EML4: variants seen among roughly 807,000 people sequenced by gnomAD.
EML4 encodes EMAP like 4.
EML4 carries 72 observed loss-of-function variants against 129.0 expected under a neutral mutation model. The ratio of observed to expected loss-of-function variants is 0.56; its 90% CI spans 0.46 to 0.68. EML4 has a LOEUF of 0.68. Ranked by LOEUF, EML4 falls within the 30% of genes least tolerant of loss-of-function variation. The probability of loss-of-function intolerance (pLI) is 0.00; values close to 1 mark genes in which losing one functional copy is unlikely to be tolerated. For missense variants in EML4, 1,363 were observed against 1,190.6 expected (o/e 1.14, Z -2.13); for synonymous variants, 532 against 405.0 (o/e 1.31, Z -3.77).
At chr2:42,326,284 G>A (rs779064808) in intron 21 of EML4, 32 bp downstream of exon 21, 1 of 1,471,528 alleles carries the variant, frequency 6.8e-7, no homozygotes, top group Non-Finnish European at 9.4e-7. Flanking sequence ...TAAAGAAGTG[G>A]TTTGTGGGTT....
At chr2:42,269,628 CTGAAGGAAG>C (rs2104419626) in intron 6 of EML4, among the ~76,000 whole-genome samples, 1 of 152,088 alleles carries the variant, frequency 6.6e-6, no homozygotes, top group East Asian at 1.9e-4. Flanking sequence ...ATATGGTGAC[CTGAAGGAAG>C]TGAATGAAAT....
intron 4 of EML4, among the ~76,000 whole-genome samples, chr2:42,262,610 A>G (rs915775359): frequency 1.3e-5 from 2 of 152,180 alleles, no homozygotes; most frequent in African/African-American, 4.8e-5. Context: ...ATCATTTGTA[A>G]AGAAACAAAT....
At position 42,169,541 on chromosome 2, in the gene EML4, G is replaced by A; in HGVS notation, c.-71G>A. The A allele has an allele frequency of 2.6e-6, 4 of 1,548,060 alleles. No homozygotes were observed. Among genetic ancestry groups the A allele is most frequent in the Non-Finnish European group, 3.5e-6 (4 of 1,148,634 alleles). ...GAACGAGCGGGTCAGGCTCAGCGTC[G>A]GCCACTCTGTCGGTCCGCTGAATGA... is the stretch of plus-strand genomic sequence containing the variant. On this transcript the variant is annotated 5_prime_UTR_variant, in exon 1 of 23. Transcript: ENST00000318522.
intron 1 of EML4, among the ~76,000 whole-genome samples, chr2:42,193,614 T>C (rs1671725343): frequency 6.6e-6 from 1 of 152,240 alleles, no homozygotes. Flanking sequence ...AAAGGGACAT[T>C]GTTGATATAT....
chr2:42,221,106 T>C (rs1321983152), intron 1 of EML4, among the ~76,000 whole-genome samples: 6 of 152,140 alleles, frequency 3.9e-5, no homozygotes, highest in Admixed American at 2.6e-4. Context: ...GCTAAGATCA[T>C]TGATGAAGGT....
At chr2:42,281,607 T>C (rs1048532927) in intron 7 of EML4, among the ~76,000 whole-genome samples, 3 of 152,156 alleles carry the variant, frequency 2.0e-5, no homozygotes, top group African/African-American at 7.2e-5. Context: ...TTTCTTTACT[T>C]ATAAAAGGGG....
chr2:42,309,887 G>A (rs890978847), intron 17 of EML4, among the ~76,000 whole-genome samples: 1 of 152,156 alleles, frequency 6.6e-6, no homozygotes, highest in Non-Finnish European at 1.5e-5. Context: ...ATGTAGTTTA[G>A]TTTATCTGTT....
intron 17 of EML4, among the ~76,000 whole-genome samples, chr2:42,312,788 C>T (rs1433001741): frequency 5.3e-5 from 8 of 151,348 alleles, no homozygotes; most frequent in African/African-American, 1.9e-4. Flanking sequence ...CTCCTGACCT[C>T]GTGATCCACT....
intron 1 of EML4, among the ~76,000 whole-genome samples, chr2:42,220,839 C>G (rs779679579): frequency 1.3e-5 from 2 of 152,138 alleles, no homozygotes; most frequent in Admixed American, 6.5e-5. Flanking sequence ...ATTGCAGATA[C>G]GGAGAATGTT....
At chr2:42,228,889 A>G (rs936751199) in intron 1 of EML4, among the ~76,000 whole-genome samples, 1 of 152,242 alleles carries the variant, frequency 6.6e-6, no homozygotes, top group African/African-American at 2.4e-5. Context: ...AATGTTAAAA[A>G]TGATTATCAA....
chr2:42,187,668 A>ATT (rs74670016), intron 1 of EML4, among the ~76,000 whole-genome samples: 42 of 151,198 alleles, frequency 2.8e-4, no homozygotes, highest in African/African-American at 4.6e-4. Flanking sequence ...TTTGGTGCTC[A>ATT]TTTTTTTTAA....
chr2:42,278,573 CAAAAAAAAAAAAAAAA>C lies in EML4; in HGVS notation c.668-2262_668-2247del, dbSNP rs35916382. Among the ~76,000 whole-genome samples the C allele has an allele frequency of 6.1e-4, 33 of 54,282 alleles. 1 individual carries two copies. Among genetic ancestry groups the C allele is most frequent in the Non-Finnish European group, 8.0e-4 (25 of 31,232 alleles). The allele number at this position is 54,282 out of a possible 152,430, so 35.6% of individuals were successfully genotyped here. On this transcript the variant is annotated intron_variant, in intron 6 of 22. Coordinates refer to ENST00000318522, the MANE Select transcript of EML4 (RefSeq NM_019063.5). The stretch of plus-strand genomic sequence containing the variant: ...TGGGTGACAGAGCGGGACTCCATCT[CAAAAAAAAAAAAAAAA>C]AAAAAAAAAAAAAATCCATCAGTTG...
At chr2:42,255,639 T>C (rs939025683) in intron 2 of EML4, among the ~76,000 whole-genome samples, 5 of 152,160 alleles carry the variant, frequency 3.3e-5, no homozygotes, top group African/African-American at 4.8e-5. Flanking sequence ...ATGTAACTTA[T>C]ATGTAAAAAA....
intron 21 of EML4, among the ~76,000 whole-genome samples, chr2:42,328,480 C>T (rs941775029): frequency 2.6e-5 from 4 of 152,158 alleles, no homozygotes; most frequent in African/African-American, 7.2e-5. Flanking sequence ...GACTCCACTT[C>T]GAAGACTTGG....
rs1670068674 is a variant in EML4 at position 42,330,899 on chromosome 2, A to G, written c.*692A>G. 2 of 204,678 alleles carry G rather than the reference A, an allele frequency of 9.8e-6. No individual in the cohort carries two copies. The highest frequency in any genetic ancestry group is 5.8e-5 in the Admixed American group (1 of 17,110). 12.7% of individuals were successfully genotyped at this position (204,678 alleles called of 1,614,324 possible). ...TGCAACTCTGTTTTATCCTAGAACTAAGAGAGCATTGGTTTGTTAAAGAGC... is the reference window on the plus strand; with the variant it reads ...TGCAACTCTGTTTTATCCTAGAACTGAGAGAGCATTGGTTTGTTAAAGAGC... On this transcript the variant is annotated 3_prime_UTR_variant, in exon 23 of 23. Coordinates refer to ENST00000318522, the MANE Select transcript of EML4 (RefSeq NM_019063.5).
chr2:42,221,875 A>AT (rs1370767279), intron 1 of EML4, among the ~76,000 whole-genome samples: 1 of 152,010 alleles, frequency 6.6e-6, no homozygotes, highest in Non-Finnish European at 1.5e-5. Context: ...AAGTGCTGGG[A>AT]TTACAGGCAT....
chr2:42,309,513 C>T (rs1280773639), intron 17 of EML4, among the ~76,000 whole-genome samples: 2 of 151,194 alleles, frequency 1.3e-5, no homozygotes, highest in African/African-American at 2.4e-5. Flanking sequence ...TATGATTCTA[C>T]CAGCAATGTA....
intron 1 of EML4, among the ~76,000 whole-genome samples, chr2:42,170,970 T>A (rs1670239901): frequency 6.6e-6 from 1 of 152,240 alleles, no homozygotes; most frequent in Non-Finnish European, 1.5e-5. Flanking sequence ...GGCCTTCCCT[T>A]TTTCTTGGGC....
intron 1 of EML4, among the ~76,000 whole-genome samples, chr2:42,237,478 TTTTA>T (rs1674750407): frequency 6.6e-6 from 1 of 152,188 alleles, no homozygotes. Flanking sequence ...TCTTCTTGGA[TTTTA>T]TTTTTGTGTG....
Sources: allele counts gnomAD v4.1 joint callset (sites outside exome capture counted in the v4.1 genomes callset), GRCh38; gene constraint gnomAD v4.1.1; transcripts MANE v1.5; gene names NCBI Gene and HGNC (gene_info 2026-07-23, HGNC 2026-07-21).